TMEM196: variants seen among roughly 807,000 people sequenced by gnomAD.
TMEM196 encodes transmembrane protein 196.
In TMEM196, 17 loss-of-function variants were observed where a neutral mutation model predicts 20.0. That is an observed-to-expected ratio of 0.85 (90% CI 0.58 to 1.27). TMEM196 has a LOEUF of 1.27. Ranked by LOEUF, TMEM196 falls within the 50% of genes most tolerant of loss-of-function variation. The pLI is 0.00. For synonymous variants in TMEM196, 113 were observed against 88.9 expected (o/e 1.27, Z -1.52); for missense variants, 267 against 223.0 (o/e 1.20, Z -1.26).
intron 1 of TMEM196, among the ~76,000 whole-genome samples, chr7:19,755,756 G>A (rs867489048): frequency 2.1e-4 from 32 of 152,276 alleles, no homozygotes; most frequent in Admixed American, 3.9e-4. Context: ...GAGGCCAGGC[G>A]TGGTGGCTTA....
chr7:19,733,497 T>C lies in TMEM196; in HGVS notation c.148-4059A>G, dbSNP rs142312510. On this transcript the variant is annotated intron_variant, in intron 1 of 4. Transcript: ENST00000405844. Reference sequence around the variant, plus strand: ...AGACACTGGTCATCACACATTTGTTTGTGTTGAGGGAGGTGTAAAGCCCTG... The same window carrying C: ...AGACACTGGTCATCACACATTTGTTCGTGTTGAGGGAGGTGTAAAGCCCTG... 5.1e-4 allele frequency among the ~76,000 whole-genome samples: 77 copies of C among 152,266 alleles called. No individual in the cohort carries two copies. The Middle Eastern group carries it at 0.024, about 47-fold the overall frequency.
chr7:19,762,424 A>G (rs530848111), intron 1 of TMEM196, among the ~76,000 whole-genome samples: 1 of 152,170 alleles, frequency 6.6e-6, no homozygotes, highest in Admixed American at 6.5e-5. Context: ...AATATTATCA[A>G]TAATATTCTA....
chr7:19,770,428 T>C (rs561388065), intron 1 of TMEM196, among the ~76,000 whole-genome samples: 1 of 152,294 alleles, frequency 6.6e-6, no homozygotes, highest in South Asian at 2.1e-4. Flanking sequence ...ATAAATGATT[T>C]CCCCAAAATA....
rs562443116 is a variant in TMEM196 at position 19,720,868 on chromosome 7, G to T, written c.*1260C>A. On this transcript the variant is annotated 3_prime_UTR_variant, in exon 5 of 5. Coordinates refer to ENST00000405844, the MANE Select transcript of TMEM196 (RefSeq NM_001363562.2). ...AAGGTAATTATAACTTCATTGTTGGGGGGTTACATCATCTGCCCTTTTGTA... is the reference window on the plus strand; with the variant it reads ...AAGGTAATTATAACTTCATTGTTGGTGGGTTACATCATCTGCCCTTTTGTA... 142 of 151,950 alleles carry T rather than the reference G, an allele frequency of 9.3e-4. No individual in the cohort carries two copies. The highest frequency in any genetic ancestry group is 3.4e-3 in the African/African-American group (140 of 41,522). 9.4% of individuals were successfully genotyped at this position (151,950 alleles called of 1,614,324 possible).
chr7:19,745,015 A>G (rs1457872836), intron 1 of TMEM196, among the ~76,000 whole-genome samples: 2 of 151,928 alleles, frequency 1.3e-5, no homozygotes, highest in Admixed American at 6.6e-5. Context: ...TGTGCAGGAG[A>G]TTGGTTTTGG....
chr7:19,730,128 C>T (rs1195517395), intron 1 of TMEM196, among the ~76,000 whole-genome samples: 1 of 151,966 alleles, frequency 6.6e-6, no homozygotes, highest in African/African-American at 2.4e-5. Flanking sequence ...TGGTGGCAGG[C>T]GCCTATGATC....
At chr7:19,756,843 A>G (rs1356257425) in intron 1 of TMEM196, among the ~76,000 whole-genome samples, 1 of 152,094 alleles carries the variant, frequency 6.6e-6, no homozygotes, top group Non-Finnish European at 1.5e-5. Context: ...TATCCAGTCT[A>G]TCACTGATGG....
chr7:19,761,494 A>C (rs1785431781), intron 1 of TMEM196, among the ~76,000 whole-genome samples: 1 of 148,482 alleles, frequency 6.7e-6, no homozygotes, highest in African/African-American at 2.6e-5. Flanking sequence ...TAGAAAAATA[A>C]AATCCCAATA....
At chr7:19,750,173 CTCTT>C (rs766392667) in intron 1 of TMEM196, among the ~76,000 whole-genome samples, 5 of 152,134 alleles carry the variant, frequency 3.3e-5, no homozygotes, top group Non-Finnish European at 5.9e-5. Context: ...GTCTTTCTCT[CTCTT>C]TAAGAGTCAG....
chr7:19,734,441 A>G (rs1233671218), intron 1 of TMEM196, among the ~76,000 whole-genome samples: 1 of 152,228 alleles, frequency 6.6e-6, no homozygotes, highest in Non-Finnish European at 1.5e-5. Flanking sequence ...AGGCTTTGCC[A>G]ATGTGATTGA....
At chr7:19,763,936 A>G (rs1429823316) in intron 1 of TMEM196, among the ~76,000 whole-genome samples, 1 of 152,214 alleles carries the variant, frequency 6.6e-6, no homozygotes, top group Non-Finnish European at 1.5e-5. Flanking sequence ...ACAATTAAAA[A>G]GTGCTAGAGG....
chr7:19,770,916 A>C (rs1028062360), intron 1 of TMEM196, among the ~76,000 whole-genome samples: 8 of 151,898 alleles, frequency 5.3e-5, no homozygotes, highest in Non-Finnish European at 7.4e-5. Context: ...TCTAGGGAAA[A>C]CCTAACTTAA....
At chr7:19,770,556 T>A (rs1785827687) in intron 1 of TMEM196, among the ~76,000 whole-genome samples, 1 of 152,230 alleles carries the variant, frequency 6.6e-6, no homozygotes, top group Non-Finnish European at 1.5e-5. Context: ...AACTGTTTGG[T>A]CATTCTGGTG....
At chr7:19,741,990 T>C (rs1039780457) in intron 1 of TMEM196, among the ~76,000 whole-genome samples, 2 of 152,170 alleles carry the variant, frequency 1.3e-5, no homozygotes, top group Non-Finnish European at 2.9e-5. Flanking sequence ...TTCACTGTTC[T>C]GAGTGATTGT....
At chr7:19,770,319 G>C (rs1785819510) in intron 1 of TMEM196, among the ~76,000 whole-genome samples, 1 of 151,910 alleles carries the variant, frequency 6.6e-6, no homozygotes. Flanking sequence ...TTATAGTATT[G>C]GTAGTAAATG....
intron 1 of TMEM196, among the ~76,000 whole-genome samples, chr7:19,740,082 C>T (rs1375177359): frequency 1.3e-5 from 2 of 152,078 alleles, no homozygotes; most frequent in Non-Finnish European, 2.9e-5. Flanking sequence ...TATTTTAGCA[C>T]TATTAGTAAT....
chr7:19,732,054 C>T (rs1462116191), intron 1 of TMEM196, among the ~76,000 whole-genome samples: 1 of 152,012 alleles, frequency 6.6e-6, no homozygotes, highest in Non-Finnish European at 1.5e-5. Flanking sequence ...GAAAAAGAGG[C>T]CCCCAAAGTA....
chr7:19,726,543 T>C (rs1285492973), intron 2 of TMEM196, among the ~76,000 whole-genome samples: 1 of 152,142 alleles, frequency 6.6e-6, no homozygotes, highest in Non-Finnish European at 1.5e-5. Context: ...GTTCCAAAAA[T>C]ACTGTTCGTT....
chr7:19,772,760 C>T lies in TMEM196; in HGVS notation c.-64G>A. 2 of 1,400,510 alleles carry T rather than the reference C, an allele frequency of 1.4e-6. No individual in the cohort carries two copies. The highest frequency in any genetic ancestry group is 5.6e-5 in the East Asian group (2 of 35,696). The allele number at this position is 1,400,510 out of a possible 1,614,324, so 86.8% of individuals were successfully genotyped here. A position where few individuals can be genotyped will look rare whatever the true frequency, so the allele number is the denominator to read the frequency against. Reference sequence around the variant, plus strand: ...ATCAACCATCTACCTTTTTTTCTTCCACTATCCTCCTTACCCCTTCCACCC... The same window carrying T: ...ATCAACCATCTACCTTTTTTTCTTCTACTATCCTCCTTACCCCTTCCACCC... On this transcript the variant is annotated 5_prime_UTR_variant, in exon 1 of 5. Transcript: ENST00000405844.
Sources: allele counts gnomAD v4.1 joint callset (sites outside exome capture counted in the v4.1 genomes callset), GRCh38; gene constraint gnomAD v4.1.1; transcripts MANE v1.5; gene names NCBI Gene and HGNC (gene_info 2026-07-23, HGNC 2026-07-21).